Variants in MACROD2 observed in about 807,000 individuals in gnomAD.
The protein encoded by MACROD2 is ADP-ribose glycohydrolase MACROD2.
A neutral mutation model predicts 70.4 loss-of-function variants in MACROD2; 36 were observed. The observed-to-expected ratio is 0.51, with a 90% confidence interval of 0.39 to 0.68. The LOEUF is 0.68. Ranked by LOEUF, MACROD2 falls within the 30% of genes least tolerant of loss-of-function variation. MACROD2 has a pLI of 0.00. For synonymous variants in MACROD2, 172 were observed against 178.8 expected, an observed-to-expected ratio of 0.96 and a Z score of 0.30; for missense variants, 496 against 538.4, an observed-to-expected ratio of 0.92 and a Z score of 0.78.
At chr20:15,797,404 C>T (rs1044406003) in intron 8 of MACROD2, among the ~76,000 whole-genome samples, 4 of 152,148 alleles carry the variant, frequency 2.6e-5, no homozygotes, top group Non-Finnish European at 5.9e-5. Context: ...CGTGAGCCAC[C>T]GCGCCCAGCC....
In MACROD2 at chr20:14,033,817, G is replaced by T. The variant is rs551089315; in HGVS notation, c.163+31413G>T. Among the ~76,000 whole-genome samples the T allele has an allele frequency of 2.6e-5, 4 of 152,164 alleles. No homozygotes were observed. The East Asian group carries it at 7.7e-4, about 29-fold the overall frequency. On this transcript the variant is annotated intron_variant, in intron 2 of 17. Transcript: ENST00000684519. The stretch of plus-strand genomic sequence containing the variant: ...AACCTTTCAATTTATATAAATGTGT[G>T]TGTAGAATTTACCTTTCCTTTTATC...
intron 3 of MACROD2, among the ~76,000 whole-genome samples, chr20:14,231,389 T>C (rs2081811138): frequency 6.6e-6 from 1 of 151,946 alleles, no homozygotes; most frequent in South Asian, 2.1e-4. Flanking sequence ...ATGTGCGGTG[T>C]TTGGTTTTTT....
chr20:15,053,180 C>T (rs1250306402), intron 5 of MACROD2, among the ~76,000 whole-genome samples: 2 of 152,196 alleles, frequency 1.3e-5, no homozygotes, highest in African/African-American at 4.8e-5. Context: ...GATGTAGAAG[C>T]TGCTGTAGCC....
intron 5 of MACROD2, among the ~76,000 whole-genome samples, chr20:15,157,359 A>ACCCCCCCC (rs1568606906): frequency 8.7e-6 from 1 of 115,306 alleles, no homozygotes; most frequent in African/African-American, 3.3e-5. Context: ...ACCCCCCCCC[A>ACCCCCCCC]CCTCCCCCCC....
intron 3 of MACROD2, among the ~76,000 whole-genome samples, chr20:14,157,698 G>A (rs900233273): frequency 2.0e-5 from 3 of 152,022 alleles, no homozygotes; most frequent in African/African-American, 7.2e-5. Flanking sequence ...TCTGTGCCTG[G>A]CTTATTTCAC....
At chr20:15,195,869 G>T (rs1261525077) in intron 5 of MACROD2, among the ~76,000 whole-genome samples, 2 of 152,072 alleles carry the variant, frequency 1.3e-5, no homozygotes, top group Non-Finnish European at 2.9e-5. Flanking sequence ...AGAAAATGTG[G>T]TACATATACA....
intron 8 of MACROD2, among the ~76,000 whole-genome samples, chr20:15,639,600 A>C (rs2049423287): frequency 6.6e-6 from 1 of 152,168 alleles, no homozygotes; most frequent in Non-Finnish European, 1.5e-5. Flanking sequence ...GTTCCTGTTC[A>C]TAGTAGACCA....
intron 3 of MACROD2, among the ~76,000 whole-genome samples, chr20:14,464,641 A>T (rs1415749712): frequency 4.6e-5 from 7 of 151,750 alleles, no homozygotes; most frequent in Admixed American, 1.3e-4. Context: ...TGTCGATTTT[A>T]GATCTTTCCT....
chr20:15,963,650 A>AAATGGC (rs2066096817), intron 12 of MACROD2, among the ~76,000 whole-genome samples: 1 of 152,208 alleles, frequency 6.6e-6, no homozygotes, highest in African/African-American at 2.4e-5. Flanking sequence ...ATCTTTTGTA[A>AAATGGC]AATGGCAATG....
At chr20:15,590,984 GAAGA>G (rs2048671476) in intron 8 of MACROD2, among the ~76,000 whole-genome samples, 1 of 140,240 alleles carries the variant, frequency 7.1e-6, no homozygotes, top group African/African-American at 2.5e-5. Context: ...AGAAAGAAAA[GAAGA>G]GAGAGAGAGA....
chr20:14,749,397 G>A (rs1420893509), intron 5 of MACROD2, among the ~76,000 whole-genome samples: 2 of 151,470 alleles, frequency 1.3e-5, no homozygotes, highest in Admixed American at 1.3e-4. Flanking sequence ...GGGAAAAACA[G>A]AAAAGGAAGG....
At chr20:14,074,549 A>G (rs77652699) in intron 2 of MACROD2, among the ~76,000 whole-genome samples, 33 of 152,232 alleles carry the variant, frequency 2.2e-4, no homozygotes, top group Non-Finnish European at 4.3e-4. Context: ...TTAGAGACCT[A>G]TGTTTTTTTT....
chr20:14,160,789 C>T (rs2055175227), intron 3 of MACROD2, among the ~76,000 whole-genome samples: 1 of 151,104 alleles, frequency 6.6e-6, no homozygotes, highest in South Asian at 2.1e-4. Context: ...TTTTTAGTTC[C>T]TTCAGGTGTA....
chr20:14,283,970 T>A (rs1475995959), intron 3 of MACROD2, among the ~76,000 whole-genome samples: 2 of 152,198 alleles, frequency 1.3e-5, no homozygotes, highest in African/African-American at 4.8e-5. Flanking sequence ...TATTAAGCAT[T>A]TATGTAATTT....
intron 3 of MACROD2, among the ~76,000 whole-genome samples, chr20:14,122,546 G>A (rs2054600742): frequency 6.6e-6 from 1 of 152,074 alleles, no homozygotes; most frequent in South Asian, 2.1e-4. Flanking sequence ...CATTGAGGGA[G>A]GTCAATAAGA....
chr20:14,585,443 G>A (rs1026865778), intron 4 of MACROD2, among the ~76,000 whole-genome samples: 3 of 152,062 alleles, frequency 2.0e-5, no homozygotes, highest in African/African-American at 2.4e-5. Flanking sequence ...TCTGAGGATA[G>A]CATAAGAGGA....
intron 5 of MACROD2, among the ~76,000 whole-genome samples, chr20:15,216,634 T>G (rs1006870905): frequency 3.9e-5 from 6 of 152,192 alleles, no homozygotes; most frequent in Admixed American, 2.0e-4. Context: ...AAACCCACTC[T>G]ATATTGCACT....
intron 5 of MACROD2, among the ~76,000 whole-genome samples, chr20:14,844,803 A>G (rs1241666339): frequency 1.3e-5 from 2 of 152,140 alleles, no homozygotes; most frequent in Non-Finnish European, 1.5e-5. Flanking sequence ...TAACAGAAGA[A>G]GAAGAGCCTT....
intron 8 of MACROD2, among the ~76,000 whole-genome samples, chr20:15,565,278 C>G (rs1036085142): frequency 1.3e-5 from 2 of 152,160 alleles, no homozygotes; most frequent in Non-Finnish European, 2.9e-5. Flanking sequence ...CTCTGAGTAT[C>G]TAAAGAGGTA....
Sources: allele counts gnomAD v4.1 joint callset (sites outside exome capture counted in the v4.1 genomes callset), GRCh38; gene constraint gnomAD v4.1.1; transcripts MANE v1.5; gene names NCBI Gene and HGNC (gene_info 2026-07-23, HGNC 2026-07-21).